Variants in EFCAB6 observed in about 807,000 individuals in gnomAD.
EFCAB6 encodes the protein EF-hand calcium binding domain 6, also known as EF-hand calcium-binding domain-containing protein 6.
EFCAB6 carries 156 observed loss-of-function variants against 169.8 expected under a neutral mutation model. That is an observed-to-expected ratio of 0.92 (90% CI 0.81 to 1.05). EFCAB6 has a LOEUF of 1.05. Among genes scored for constraint, EFCAB6 ranks in the 50% least tolerant of loss-of-function variants. EFCAB6 has a pLI of 0.00. For synonymous variants in EFCAB6, 698 were observed against 676.4 expected (o/e 1.03, Z -0.50); for missense variants, 1,800 against 1,829.1 (o/e 0.98, Z 0.29).
intron 17 of EFCAB6, among the ~76,000 whole-genome samples, chr22:43,663,091 C>A (rs2057082356): frequency 6.6e-6 from 1 of 152,184 alleles, no homozygotes; most frequent in Non-Finnish European, 1.5e-5. Context: ...ATTCCACATG[C>A]CTGAATATTG....
At chr22:43,607,850 T>C (rs1446663784) in intron 22 of EFCAB6, among the ~76,000 whole-genome samples, 2 of 152,188 alleles carry the variant, frequency 1.3e-5, no homozygotes, top group African/African-American at 2.4e-5. Context: ...ATAGACCACA[T>C]TGTTAGTGGA....
chr22:43,793,030 TAATAAC>T (rs1444408728), intron 2 of EFCAB6, among the ~76,000 whole-genome samples: 3 of 152,148 alleles, frequency 2.0e-5, no homozygotes, highest in Non-Finnish European at 4.4e-5. Flanking sequence ...ATTCACTTCC[TAATAAC>T]AATAAGGCAT....
At chr22:43,724,329 G>T (rs2059642341) in intron 8 of EFCAB6, among the ~76,000 whole-genome samples, 1 of 151,006 alleles carries the variant, frequency 6.6e-6, no homozygotes, top group Non-Finnish European at 1.5e-5. Context: ...GACCTTGTCA[G>T]AATGGTCTTT....
intron 26 of EFCAB6, among the ~76,000 whole-genome samples, chr22:43,564,203 T>A (rs2049269972): frequency 6.6e-6 from 1 of 152,014 alleles, no homozygotes; most frequent in Non-Finnish European, 1.5e-5. Context: ...ATCCCAGCAC[T>A]TTGGGAGGCT....
intron 22 of EFCAB6, among the ~76,000 whole-genome samples, chr22:43,604,412 A>C (rs2052762164): frequency 6.6e-6 from 1 of 152,160 alleles, no homozygotes; most frequent in Non-Finnish European, 1.5e-5. Flanking sequence ...AGACATGAGA[A>C]CCACACTTCC....
chr22:43,734,355 G>A (rs778691437), intron 7 of EFCAB6, among the ~76,000 whole-genome samples: 1 of 152,158 alleles, frequency 6.6e-6, no homozygotes, highest in Non-Finnish European at 1.5e-5. Flanking sequence ...GAGTCTAAAA[G>A]AAAGCAATTC....
At chr22:43,710,231 G>C (rs1417504830) in intron 10 of EFCAB6, among the ~76,000 whole-genome samples, 2 of 152,204 alleles carry the variant, frequency 1.3e-5, no homozygotes, top group Admixed American at 6.5e-5. Context: ...CAGGTCCCAG[G>C]CAAGGGATGT....
chr22:43,659,421 G>A (rs1355644884), intron 17 of EFCAB6, among the ~76,000 whole-genome samples: 2 of 152,178 alleles, frequency 1.3e-5, no homozygotes, highest in Non-Finnish European at 2.9e-5. Flanking sequence ...CACTTTCGGA[G>A]GCTGAGGTGG....
rs748636700 is a variant in EFCAB6, at chr22:43,711,577, T to A, written c.929A>T (p.Asp310Val). ...AGACACGTAGCCACCTTTACAGGGG[T>A]CCCCTGCACTGAGGGCCTTTTCAAC... ...EKVEKALSAG[D>V]PCKGGYVSFN... The change falls in exon 10 of 32, where the codon GAC (aspartate) becomes GTC (valine). Residue 310 changes from aspartate (D) to valine (V), a missense_variant. Transcript: ENST00000262726. 6.3e-7 allele frequency: 1 copy of A among 1,596,358 alleles called. No individual in the cohort carries two copies. The highest frequency in any genetic ancestry group is 1.2e-5 in the South Asian group (1 of 86,652).
chr22:43,631,055 T>A (rs1280348292), intron 19 of EFCAB6, among the ~76,000 whole-genome samples: 3 of 151,876 alleles, frequency 2.0e-5, no homozygotes, highest in African/African-American at 7.3e-5. Flanking sequence ...GGGTGATCAG[T>A]CTGGGGAGGT....
At chr22:43,668,337 A>G (rs943754270) in intron 16 of EFCAB6, among the ~76,000 whole-genome samples, 5 of 152,252 alleles carry the variant, frequency 3.3e-5, no homozygotes, top group African/African-American at 9.6e-5. Flanking sequence ...TATTTTTAAA[A>G]TGAAGAAGAG....
chr22:43,680,167 T>C (rs1041592372), intron 12 of EFCAB6, among the ~76,000 whole-genome samples: 2 of 152,228 alleles, frequency 1.3e-5, no homozygotes, highest in African/African-American at 4.8e-5. Context: ...AATTCATCTT[T>C]TTGCATATGG....
chr22:43,728,784 G>A (rs1024330861), intron 8 of EFCAB6, among the ~76,000 whole-genome samples: 2 of 152,150 alleles, frequency 1.3e-5, no homozygotes, highest in African/African-American at 4.8e-5. Flanking sequence ...ATTTGTTTAA[G>A]TTCCTTATAG....
chr22:43,717,789 A>G (rs1323081909), intron 8 of EFCAB6, among the ~76,000 whole-genome samples: 2 of 152,180 alleles, frequency 1.3e-5, no homozygotes, highest in African/African-American at 4.8e-5. Context: ...CCGAATTCAC[A>G]TGGATAAGGA....
intron 6 of EFCAB6, among the ~76,000 whole-genome samples, chr22:43,753,017 T>G (rs1408295792): frequency 6.6e-6 from 1 of 152,174 alleles, no homozygotes; most frequent in African/African-American, 2.4e-5. Flanking sequence ...GGGCTTTGCT[T>G]ACATTCATTC....
At chr22:43,753,243 G>C (rs2060835238) in intron 6 of EFCAB6, among the ~76,000 whole-genome samples, 1 of 152,212 alleles carries the variant, frequency 6.6e-6, no homozygotes, top group Non-Finnish European at 1.5e-5. Context: ...GCCAGTCCAG[G>C]AGATGCTCAG....
chr22:43,628,531 C>T lies in EFCAB6; in HGVS notation c.2233-1852G>A, dbSNP rs1428456750. On this transcript the variant is annotated intron_variant, in intron 19 of 31. Transcript: ENST00000262726. The surrounding 1 kb of genome is among the most constrained non-coding windows in gnomAD (Gnocchi z 4.8). Reference sequence around the variant, plus strand: ...GCATGAGGCGCCTCTGCTCAACCCCCTTGACTCTCCTTCTCACTCAGAGTC... The same window carrying T: ...GCATGAGGCGCCTCTGCTCAACCCCTTTGACTCTCCTTCTCACTCAGAGTC... Among the ~76,000 whole-genome samples the T allele has an allele frequency of 6.6e-6, 1 of 152,146 alleles. No homozygotes were observed.
intron 30 of EFCAB6, among the ~76,000 whole-genome samples, chr22:43,532,511 G>A (rs1203779007): frequency 1.3e-5 from 2 of 152,228 alleles, no homozygotes; most frequent in Non-Finnish European, 2.9e-5. Flanking sequence ...CGTGGCTCCC[G>A]TGAAGATGGA....
At chr22:43,639,819 T>A (rs1351640086) in intron 17 of EFCAB6, among the ~76,000 whole-genome samples, 1 of 152,146 alleles carries the variant, frequency 6.6e-6, no homozygotes, top group Admixed American at 6.5e-5. Flanking sequence ...GAGACACTAT[T>A]CTCTCTTTCT....
Sources: allele counts gnomAD v4.1 joint callset (sites outside exome capture counted in the v4.1 genomes callset), GRCh38; gene constraint gnomAD v4.1.1; non-coding constraint Gnocchi (gnomAD v3.1); transcripts MANE v1.5; gene names NCBI Gene and HGNC (gene_info 2026-07-23, HGNC 2026-07-21).